Variants in KCNH8 observed in about 807,000 individuals in gnomAD.
KCNH8 encodes voltage-gated delayed rectifier potassium channel KCNH8.
KCNH8 carries 70 observed loss-of-function variants against 103.6 expected under a neutral mutation model. The observed-to-expected ratio is 0.68, with a 90% confidence interval of 0.56 to 0.82. The LOEUF is 0.82. Among genes scored for constraint, KCNH8 ranks in the 40% least tolerant of loss-of-function variants. KCNH8 has a pLI of 0.00. For missense variants in KCNH8, 1,217 were observed against 1,329.9 expected (o/e 0.92, Z 1.32); for synonymous variants, 498 against 489.4 (o/e 1.02, Z -0.23).
chr3:19,372,593 T>A (rs1377746390), intron 5 of KCNH8, among the ~76,000 whole-genome samples: 4 of 152,186 alleles, frequency 2.6e-5, no homozygotes, highest in Non-Finnish European at 5.9e-5. Context: ...CCTGATTGAA[T>A]ACCGTTTATT....
intron 11 of KCNH8, among the ~76,000 whole-genome samples, chr3:19,498,100 C>A (rs1194055452): frequency 6.6e-6 from 1 of 152,008 alleles, no homozygotes; most frequent in Non-Finnish European, 1.5e-5. Flanking sequence ...GTAGATTTTT[C>A]TTTATCCCTC....
At chr3:19,505,840 C>A (rs2068680849) in intron 11 of KCNH8, among the ~76,000 whole-genome samples, 1 of 152,182 alleles carries the variant, frequency 6.6e-6, no homozygotes, top group African/African-American at 2.4e-5. Flanking sequence ...CCTCATATTT[C>A]TCAGAGGTTT....
intron 5 of KCNH8, among the ~76,000 whole-genome samples, chr3:19,374,956 G>T (rs2066168224): frequency 1.3e-5 from 2 of 151,850 alleles, no homozygotes; most frequent in African/African-American, 2.4e-5. Context: ...TGGCTTGTAG[G>T]GTTTCTGCCG....
intron 1 of KCNH8, among the ~76,000 whole-genome samples, chr3:19,219,282 C>A (rs2063847959): frequency 6.6e-6 from 1 of 152,140 alleles, no homozygotes; most frequent in African/African-American, 2.4e-5. Flanking sequence ...TAAAATCTTA[C>A]CCCAACTCCT....
Position 19,343,751 on chromosome 3 carries a change from A to G in KCNH8, c.570+1037A>G, listed in dbSNP as rs2065692650. ...TAATCCAACATACACATGCTTTGAT[A>G]AAACAGGACCATTCATCAGACATAC... On this transcript the variant is annotated intron_variant, in intron 4 of 15. Coordinates refer to ENST00000328405, the MANE Select transcript of KCNH8 (RefSeq NM_144633.3). Among the ~76,000 whole-genome samples, 10 of 152,230 alleles carry G rather than the reference A, an allele frequency of 6.6e-5. No individual in the cohort carries two copies. The South Asian group carries it at 2.1e-3, about 32-fold the overall frequency.
At chr3:19,464,272 A>G (rs2067691884) in intron 11 of KCNH8, among the ~76,000 whole-genome samples, 1 of 152,144 alleles carries the variant, frequency 6.6e-6, no homozygotes, top group African/African-American at 2.4e-5. Context: ...AAGTTGCTAT[A>G]GTGAAAAAAA....
Position 19,148,674 on chromosome 3 carries a change from C to T in KCNH8, c.-46C>T, listed in dbSNP as rs778147958. The T allele has an allele frequency of 6.3e-7, 1 of 1,582,428 alleles. No individual in the cohort carries two copies. The highest frequency in any genetic ancestry group is 1.3e-5 in the African/African-American group (1 of 74,530). On this transcript the variant is annotated 5_prime_UTR_variant, in exon 1 of 16. Transcript: ENST00000328405. The stretch of plus-strand genomic sequence containing the variant: ...TCTTGGCACTTTCCTTTCGAACCAT[C>T]CTTCTGGACAAACTTTGATGGAGAA...
At chr3:19,273,844 A>C (rs1402924259) in intron 2 of KCNH8, among the ~76,000 whole-genome samples, 2 of 152,206 alleles carry the variant, frequency 1.3e-5, no homozygotes, top group African/African-American at 4.8e-5. Context: ...TTAACGCCAC[A>C]TATACCTTAA....
At chr3:19,163,936 C>T (rs2063258166) in intron 1 of KCNH8, among the ~76,000 whole-genome samples, 1 of 152,130 alleles carries the variant, frequency 6.6e-6, no homozygotes, top group Admixed American at 6.5e-5. Context: ...CTATAACATA[C>T]AAAATACATG....
intron 7 of KCNH8, among the ~76,000 whole-genome samples, chr3:19,415,907 A>C (rs1466021069): frequency 1.3e-5 from 2 of 152,030 alleles, no homozygotes; most frequent in South Asian, 2.1e-4. Flanking sequence ...AATAGTGCTT[A>C]ATTCTTATTT....
At chr3:19,479,900 A>G (rs2068054169) in intron 11 of KCNH8, among the ~76,000 whole-genome samples, 1 of 152,212 alleles carries the variant, frequency 6.6e-6, no homozygotes, top group Non-Finnish European at 1.5e-5. Flanking sequence ...ATGTTCCTCC[A>G]ATCTGCTTTG....
At chr3:19,289,541 T>C (rs1017995719) in intron 3 of KCNH8, among the ~76,000 whole-genome samples, 34 of 152,296 alleles carry the variant, frequency 2.2e-4, no homozygotes, top group East Asian at 7.7e-4. Context: ...GTTGTAGATA[T>C]GCAGCATTAT....
intron 5 of KCNH8, among the ~76,000 whole-genome samples, chr3:19,359,565 T>C (rs1022833544): frequency 6.6e-6 from 1 of 152,002 alleles, no homozygotes; most frequent in Admixed American, 6.6e-5. Context: ...TGGGGCTGGA[T>C]AATCGTTAGT....
Position 19,513,408 on chromosome 3 carries a change from C to A in KCNH8, c.2435+83C>A, listed in dbSNP as rs2068821634. 22 of 1,477,246 alleles carry A rather than the reference C, an allele frequency of 1.5e-5. No individual in the cohort carries two copies. In the South Asian group the frequency reaches 2.6e-4, roughly 18 times the overall value. 91.5% of individuals were successfully genotyped at this position (1,477,246 alleles called of 1,614,324 possible). On this transcript the variant is annotated intron_variant, in intron 13 of 15. Coordinates refer to ENST00000328405, the MANE Select transcript of KCNH8 (RefSeq NM_144633.3). ...TAGTACCTGCCTTCAGCCTTCTGAG[C>A]CTTTCTACTCCACAGATTCCTAGCC...
intron 11 of KCNH8, among the ~76,000 whole-genome samples, chr3:19,473,776 GC>G (rs1233473485): frequency 1.3e-5 from 2 of 152,144 alleles, no homozygotes; most frequent in Non-Finnish European, 2.9e-5. Context: ...ACAAACTGAT[GC>G]ACACACATAC....
intron 1 of KCNH8, among the ~76,000 whole-genome samples, chr3:19,224,473 AT>A (rs747972200): frequency 6.6e-6 from 1 of 151,454 alleles, no homozygotes; most frequent in South Asian, 2.1e-4. Flanking sequence ...TTGAAGTGTA[AT>A]TTTTTCTCCC....
In KCNH8 at chr3:19,451,346, C is replaced by T. The variant is rs757099767; in HGVS notation, c.1767C>T (p.Tyr589=). The T allele has an allele frequency of 5.6e-6, 9 of 1,613,796 alleles. No homozygotes were observed. The highest frequency in any genetic ancestry group is 7.6e-6 in the Non-Finnish European group (9 of 1,179,774). ...AAGGGGATGCTTTGCAGGCCATCTA[C>T]TTTGTATGCTCGGGCTCCATGGAAG... The part of the protein sequence containing the change: ...LRQGDALQAI[Y]FVCSGSMEVL... The change falls in exon 10 of 16, where the codon TAC becomes TAT. Residue 589 remains tyrosine, a synonymous_variant. Coordinates refer to ENST00000328405, the MANE Select transcript of KCNH8 (RefSeq NM_144633.3).
chr3:19,382,365 T>C (rs2066299459), intron 5 of KCNH8, among the ~76,000 whole-genome samples: 1 of 152,180 alleles, frequency 6.6e-6, no homozygotes, highest in South Asian at 2.1e-4. Flanking sequence ...AGCAAGTTAA[T>C]TGTCTGAGTG....
intron 5 of KCNH8, among the ~76,000 whole-genome samples, chr3:19,382,563 A>C (rs527695258): frequency 6.6e-6 from 1 of 152,340 alleles, no homozygotes; most frequent in African/African-American, 2.4e-5. Context: ...TCTGTAAAGT[A>C]ACAATGAAAA....
Sources: gnomAD v4.1 joint callset for allele counts (sites outside exome capture counted in the v4.1 genomes callset) on GRCh38, gnomAD v4.1.1 for gene constraint, MANE v1.5 for transcripts, NCBI Gene and HGNC (gene_info 2026-07-23, HGNC 2026-07-21) for gene names.